The following SRCIN1 variants were observed in gnomAD, a reference collection of about 807,000 sequenced individuals.
SRCIN1 encodes P130Cas-associated protein.
SRCIN1 carries 50 observed loss-of-function variants against 116.2 expected under a neutral mutation model. That is an observed-to-expected ratio of 0.43 (90% confidence interval 0.34 to 0.54). The LOEUF (loss-of-function observed/expected upper bound fraction) is 0.54. SRCIN1 is among the 20% of genes least tolerant of loss of function. The probability of loss-of-function intolerance (pLI) is 0.02; values close to 1 mark genes in which losing one functional copy is unlikely to be tolerated. For missense variants in SRCIN1, 1,446 were observed against 1,672.0 expected, an observed-to-expected ratio of 0.86 and a Z score of 2.36; for synonymous variants, 736 against 750.0, an observed-to-expected ratio of 0.98 and a Z score of 0.30.
At chr17:38,594,103 G>T (rs1253348425) in intron 1 of SRCIN1, among the ~76,000 whole-genome samples, 2 of 152,178 alleles carry the variant, frequency 1.3e-5, no homozygotes, top group Non-Finnish European at 2.9e-5. Flanking sequence ...CCTCTGCCTG[G>T]TTCACTGCCC....
chr17:38,557,026 G>A (rs750079775), intron 11 of SRCIN1, among the ~76,000 whole-genome samples: 1 of 149,658 alleles, frequency 6.7e-6, no homozygotes, highest in Non-Finnish European at 1.5e-5. Flanking sequence ...GATGACACCT[G>A]CCAGTCTGCT....
rs1296633976 is a variant in SRCIN1 at position 38,563,097 on chromosome 17, C to G, written c.741-177G>C. 2.0e-5 allele frequency among the ~76,000 whole-genome samples: 3 copies of G among 152,168 alleles called. No homozygotes were observed. The highest frequency in any genetic ancestry group is 7.2e-5 in the African/African-American group (3 of 41,418). On this transcript the variant is annotated intron_variant, in intron 5 of 18. Transcript: ENST00000617146. The surrounding 1 kb of genome is among the most constrained non-coding windows in gnomAD (Gnocchi z 5.8). ...CCCGGCCTCTTCCTGGCCTCCGGCG[C>G]CATTTTCAGGTTAGCTCAAAGCAAA...
rs1905414246 is a variant in SRCIN1 at position 38,551,581 on chromosome 17, T to TA, written c.2728-193_2728-192insT. On this transcript the variant is annotated intron_variant, in intron 14 of 18. Coordinates refer to ENST00000617146, the MANE Select transcript of SRCIN1 (RefSeq NM_025248.3). ...ATCCCCATGGGTAGGAATGCCACCC[T>TA]CATTATATACTACATTCGTGATAAA... is the stretch of plus-strand genomic sequence containing the variant. The TA allele has an allele frequency of 9.3e-6, 6 of 641,908 alleles. No individual in the cohort carries two copies. The East Asian group carries it at 1.4e-4, about 15-fold the overall frequency. The allele number at this position is 641,908 out of a possible 1,614,324, so 39.8% of individuals were successfully genotyped here. A position where few individuals can be genotyped will look rare whatever the true frequency, so the allele number is the denominator to read the frequency against.
intron 1 of SRCIN1, among the ~76,000 whole-genome samples, chr17:38,587,357 C>T (rs73982839): frequency 0.026 from 3,917 of 151,990 alleles, 176 homozygotes; most frequent in African/African-American, 0.091. Context: ...CCAGGCCACA[C>T]AGCACAGCAG....
intron 10 of SRCIN1, chr17:38,559,345 A>G: frequency 1.8e-6 from 1 of 553,058 alleles, no homozygotes; most frequent in Non-Finnish European, 3.2e-6. Flanking sequence ...GGGCTCAATG[A>G]GGGGGTCACG....
rs1906278585 is a variant in SRCIN1 at position 38,561,883 on chromosome 17, T to C, written c.1280A>G (p.Tyr427Cys). ...GAGCGAGCGCACCGAGCCGCGCTTG[T>C]AGAGGCCGCCGGCGCCCGGGTAGGC... ...PFAYPGAGGL[Y>C]KRGSVRSLST... Residue 427 changes from tyrosine (Y) to cysteine (C), a missense_variant, in exon 7 of 19, where the codon TAC becomes TGC. Transcript: ENST00000617146. The C allele has an allele frequency of 6.9e-7, 1 of 1,447,968 alleles. No homozygotes were observed. Among genetic ancestry groups the C allele is most frequent in the African/African-American group, 1.5e-5 (1 of 65,760 alleles). 89.7% of individuals were successfully genotyped at this position (1,447,968 alleles called of 1,614,324 possible). A position where few individuals can be genotyped will look rare whatever the true frequency, so the allele number is the denominator to read the frequency against.
chr17:38,559,349 G>C (rs1906039352), intron 10 of SRCIN1: 2 of 561,980 alleles, frequency 3.6e-6, no homozygotes, highest in South Asian at 4.3e-5. Flanking sequence ...TCAATGAGGG[G>C]GTCACGGGCG....
chr17:38,556,504 T>C (rs1455638021), intron 11 of SRCIN1, among the ~76,000 whole-genome samples: 1 of 152,256 alleles, frequency 6.6e-6, no homozygotes. Context: ...GGAAGTGGTA[T>C]AGCAAATTGG....
chr17:38,563,556 G>C lies in SRCIN1; in HGVS notation c.542-35C>G. On this transcript the variant is annotated intron_variant, in intron 4 of 18. Coordinates refer to ENST00000617146, the MANE Select transcript of SRCIN1 (RefSeq NM_025248.3). The surrounding 1 kb of genome is among the most constrained non-coding windows in gnomAD (Gnocchi z 5.8). ...AGACGCCGCCCTCGCTGTCACTGCT[G>C]CCGTCTCCACGCCGCCCTCCAGGAG... 6.5e-7 allele frequency: 1 copy of C among 1,541,032 alleles called. No individual in the cohort carries two copies. Among genetic ancestry groups the C allele is most frequent in the Non-Finnish European group, 8.7e-7 (1 of 1,146,670 alleles).
At chr17:38,557,598 C>T (rs1905891348) in intron 11 of SRCIN1, among the ~76,000 whole-genome samples, 1 of 152,244 alleles carries the variant, frequency 6.6e-6, no homozygotes, top group Non-Finnish European at 1.5e-5. Flanking sequence ...AATGGTTGGC[C>T]AGACAGCCAT....
intron 2 of SRCIN1, among the ~76,000 whole-genome samples, chr17:38,576,318 C>G (rs1026263185): frequency 2.0e-5 from 3 of 152,124 alleles, no homozygotes; most frequent in Admixed American, 6.5e-5. Context: ...GCCCACAAAT[C>G]CCGGCCAGTC....
intron 1 of SRCIN1, among the ~76,000 whole-genome samples, chr17:38,583,214 G>A (rs1465426084): frequency 6.6e-6 from 1 of 152,052 alleles, no homozygotes; most frequent in African/African-American, 2.4e-5. Context: ...CCACAGGCAC[G>A]TGCCACCATG....
At chr17:38,543,765 C>G in intron 18 of SRCIN1, 58 bp downstream of exon 18, 1 of 1,573,316 alleles carries the variant, frequency 6.4e-7, no homozygotes, top group African/African-American at 1.3e-5. Flanking sequence ...CCCAGTGGGG[C>G]AGGGGCCCGG....
At chr17:38,583,814 A>G (rs1907959637) in intron 1 of SRCIN1, among the ~76,000 whole-genome samples, 2 of 152,144 alleles carry the variant, frequency 1.3e-5, no homozygotes, top group South Asian at 4.1e-4. Context: ...CGGCCTCCCA[A>G]AGTGCTGGGA....
At chr17:38,554,160 G>A (rs1255865015) in intron 11 of SRCIN1, among the ~76,000 whole-genome samples, 3 of 151,580 alleles carry the variant, frequency 2.0e-5, no homozygotes, top group Non-Finnish European at 2.9e-5. Flanking sequence ...GCAGTGGGCC[G>A]AGATCATGCC....
intron 2 of SRCIN1, among the ~76,000 whole-genome samples, chr17:38,575,827 G>A (rs908827550): frequency 6.6e-5 from 10 of 151,988 alleles, no homozygotes; most frequent in African/African-American, 2.4e-4. Context: ...CCTGTTTCCC[G>A]TGGCCTTCTT....
At position 38,548,701 on chromosome 17, in the gene SRCIN1, C is replaced by T. The variant is rs528217592; in HGVS notation, c.3126G>A (p.Glu1042=). The T allele has an allele frequency of 4.4e-6, 7 of 1,600,930 alleles. No homozygotes were observed. The highest frequency in any genetic ancestry group is 6.0e-6 in the Non-Finnish European group (7 of 1,175,040). The part of the protein sequence containing the change: ...KKDSAFIKKA[E]SEELEVQKPQ... ...GCTTCTGCACCTCCAGCTCCTCGGA[C>T]TCAGCCTTCTGCAAGGCCCGGGACT... The change falls in exon 17 of 19, where the codon GAG becomes GAA. Residue 1042 remains glutamate (E), a synonymous_variant. Coordinates refer to ENST00000617146, the MANE Select transcript of SRCIN1 (RefSeq NM_025248.3).
intron 1 of SRCIN1, among the ~76,000 whole-genome samples, chr17:38,588,840 G>A (rs1035431263): frequency 6.6e-6 from 1 of 152,162 alleles, no homozygotes; most frequent in Non-Finnish European, 1.5e-5. Flanking sequence ...TTGGGCAGGA[G>A]ACCCAGCCTT....
At chr17:38,559,557 T>G (rs1462630931) in intron 10 of SRCIN1, 28 bp downstream of exon 10, 1 of 1,588,518 alleles carries the variant, frequency 6.3e-7, no homozygotes, top group East Asian at 2.2e-5. Flanking sequence ...TGGGCGTTGG[T>G]GGGGCGGGGC....
Sources: allele counts gnomAD v4.1 joint callset (sites outside exome capture counted in the v4.1 genomes callset), GRCh38; gene constraint gnomAD v4.1.1; non-coding constraint Gnocchi (gnomAD v3.1); transcripts MANE v1.5; gene names NCBI Gene and HGNC (gene_info 2026-07-23, HGNC 2026-07-21).